The following NDFIP1 variants were observed in gnomAD, a reference collection of about 807,000 sequenced individuals.
NDFIP1 encodes the protein NEDD4 family-interacting protein 1.
A neutral mutation model predicts 28.8 loss-of-function variants in NDFIP1; 7 were observed. The ratio of observed to expected loss-of-function variants is 0.24; its 90% CI spans 0.14 to 0.46. The LOEUF is 0.46. NDFIP1 is among the 20% of genes least tolerant of loss of function. The pLI, the probability that NDFIP1 is intolerant of heterozygous loss-of-function variation, is 0.99. For synonymous variants in NDFIP1, 92 were observed against 101.0 expected, an observed-to-expected ratio of 0.91 and a Z score of 0.53; for missense variants, 194 against 269.1, an observed-to-expected ratio of 0.72 and a Z score of 1.95.
In NDFIP1 at chr5:142,153,626, C is replaced by A; in HGVS notation, c.*1898C>A. ...TTTGAAGATTTTTTTTTTTCCATTT[C>A]GAATCAGATTATAGCAACAATGGAG... On this transcript the variant is annotated 3_prime_UTR_variant, in exon 8 of 8. Coordinates refer to ENST00000253814, the MANE Select transcript of NDFIP1 (RefSeq NM_030571.4). 3 of 300,342 alleles carry A rather than the reference C, an allele frequency of 1.0e-5. No individual in the cohort carries two copies. The highest frequency in any genetic ancestry group is 3.0e-5 in the South Asian group (1 of 32,798). The allele number at this position is 300,342 out of a possible 1,614,324, so 18.6% of individuals were successfully genotyped here. A position where few individuals can be genotyped will look rare whatever the true frequency, so the allele number is the denominator to read the frequency against.
At chr5:142,111,317 A>G (rs1343308837) in intron 1 of NDFIP1, among the ~76,000 whole-genome samples, 2 of 151,898 alleles carry the variant, frequency 1.3e-5, no homozygotes, top group Non-Finnish European at 2.9e-5. Flanking sequence ...AATGTCTTCT[A>G]TATAAAATAT....
intron 1 of NDFIP1, among the ~76,000 whole-genome samples, chr5:142,122,704 C>T (rs1488570035): frequency 1.3e-5 from 2 of 152,110 alleles, no homozygotes; most frequent in Non-Finnish European, 2.9e-5. Context: ...TTTTAATTTT[C>T]ATTTCTATAA....
intron 1 of NDFIP1, among the ~76,000 whole-genome samples, chr5:142,119,862 T>C (rs1561598715): frequency 1.3e-5 from 2 of 152,196 alleles, no homozygotes. Context: ...CCTATAAAAA[T>C]TGAAAGCGCT....
intron 7 of NDFIP1, among the ~76,000 whole-genome samples, chr5:142,150,149 C>T (rs894429769): frequency 6.8e-6 from 1 of 147,816 alleles, no homozygotes; most frequent in African/African-American, 2.5e-5. Context: ...CCACTGCACT[C>T]CAGCCTGGGT....
chr5:142,118,625 G>C (rs1457098261), intron 1 of NDFIP1, among the ~76,000 whole-genome samples: 1 of 152,096 alleles, frequency 6.6e-6, no homozygotes, highest in Admixed American at 6.5e-5. Flanking sequence ...CTTACTCTTG[G>C]GAAGGAAGTC....
intron 1 of NDFIP1, among the ~76,000 whole-genome samples, chr5:142,117,972 G>A (rs751768099): frequency 3.9e-4 from 60 of 152,060 alleles, no homozygotes; most frequent in Admixed American, 2.8e-3. Context: ...TGGCTCAAGC[G>A]ATCATTCCCC....
chr5:142,145,925 TGTG>T (rs1170689724), intron 7 of NDFIP1, among the ~76,000 whole-genome samples: 1 of 152,282 alleles, frequency 6.6e-6, no homozygotes, highest in Non-Finnish European at 1.5e-5. Context: ...TTTGAAGACT[TGTG>T]GTGGTCTCAG....
chr5:142,145,916 T>C (rs1757383867), intron 7 of NDFIP1, among the ~76,000 whole-genome samples: 1 of 152,184 alleles, frequency 6.6e-6, no homozygotes. Flanking sequence ...GTTCTCAATT[T>C]TGAAGACTTG....
At chr5:142,139,596 A>G (rs1757308030) in intron 5 of NDFIP1, among the ~76,000 whole-genome samples, 1 of 152,242 alleles carries the variant, frequency 6.6e-6, no homozygotes, top group Non-Finnish European at 1.5e-5. Context: ...AAGCAAGGAA[A>G]GCTTCTCAGA....
rs1006910888 is a variant in NDFIP1 at position 142,131,810 on chromosome 5, G to A, written c.66G>A (p.Leu22=). The A allele has an allele frequency of 2.2e-5, 35 of 1,568,038 alleles. No individual in the cohort carries two copies. The highest frequency in any genetic ancestry group is 3.0e-5 in the Non-Finnish European group (35 of 1,164,278). ...EPACGSRYQQ[L]QNEEESGEPE... ...TAAAATATGAAATTTTTATTTAGTT[G>A]CAGAATGAAGAAGAGTCTGGAGAAC... The change falls in exon 2 of 8, where the codon TTG becomes TTA. Residue 22 remains leucine (L), a splice_region_variant and synonymous_variant. Transcript: ENST00000253814.
intron 2 of NDFIP1, 119 bp from the exon 3 acceptor site, chr5:142,132,093 C>A: frequency 8.1e-7 from 1 of 1,231,326 alleles, no homozygotes; most frequent in South Asian, 1.6e-5. Flanking sequence ...TCTTTTGGTT[C>A]AATTGTTATG....
In NDFIP1 at chr5:142,108,968, C is replaced by G; in HGVS notation, c.-7C>G. 6.9e-7 allele frequency: 1 copy of G among 1,442,720 alleles called. No individual in the cohort carries two copies. Among genetic ancestry groups the G allele is most frequent in the Non-Finnish European group, 9.1e-7 (1 of 1,101,346 alleles). The allele number at this position is 1,442,720 out of a possible 1,614,324, so 89.4% of individuals were successfully genotyped here. A position where few individuals can be genotyped will look rare whatever the true frequency, so the allele number is the denominator to read the frequency against. On this transcript the variant is annotated 5_prime_UTR_variant, in exon 1 of 8. Coordinates refer to ENST00000253814, the MANE Select transcript of NDFIP1 (RefSeq NM_030571.4). ...GCTCGCTCTGCTTCCCTGCTGCCGG[C>G]TGCGCCATGGCGTTGGCGTTGGCGG...
intron 7 of NDFIP1, among the ~76,000 whole-genome samples, chr5:142,145,024 A>T (rs1445697934): frequency 2.6e-5 from 4 of 152,204 alleles, no homozygotes; most frequent in African/African-American, 7.2e-5. Context: ...CCAGAGGATG[A>T]CATTCAGAAG....
rs116466575 is a variant in NDFIP1, at chr5:142,127,494, C to T, written c.64-4314C>T. Among the ~76,000 whole-genome samples the T allele has an allele frequency of 6.6e-3, 1,012 of 152,238 alleles. 3 individuals are homozygous for T. Among genetic ancestry groups the T allele is most frequent in the African/African-American group, 0.023 (938 of 41,538 alleles). ...AAGGTAATCAGGAAAAGAGTAATGG[C>T]ACACTCTGGGTGTGAGAAAGTGAAA... On this transcript the variant is annotated intron_variant, in intron 1 of 7. Transcript: ENST00000253814.
At chr5:142,144,879 A>G (rs922035272) in intron 7 of NDFIP1, among the ~76,000 whole-genome samples, 4 of 152,266 alleles carry the variant, frequency 2.6e-5, no homozygotes, top group African/African-American at 9.6e-5. Flanking sequence ...AAAAACTGCC[A>G]TAGGAGAAAT....
At chr5:142,145,390 AAG>A (rs1477723273) in intron 7 of NDFIP1, among the ~76,000 whole-genome samples, 1 of 152,154 alleles carries the variant, frequency 6.6e-6, no homozygotes, top group African/African-American at 2.4e-5. Context: ...AATCTTGAGA[AAG>A]AGTACACCAG....
At chr5:142,147,724 A>G (rs1757405403) in intron 7 of NDFIP1, among the ~76,000 whole-genome samples, 1 of 152,244 alleles carries the variant, frequency 6.6e-6, no homozygotes, top group Admixed American at 6.5e-5. Flanking sequence ...TGTCATGTAC[A>G]GTGATTCTTC....
intron 7 of NDFIP1, among the ~76,000 whole-genome samples, chr5:142,150,121 C>A (rs1344135205): frequency 4.0e-5 from 6 of 148,622 alleles, no homozygotes; most frequent in African/African-American, 1.5e-4. Context: ...GCGGAGCTTG[C>A]AGTGAGCCGA....
chr5:142,136,413 G>A (rs1757275253), intron 4 of NDFIP1, among the ~76,000 whole-genome samples: 1 of 152,092 alleles, frequency 6.6e-6, no homozygotes, highest in Non-Finnish European at 1.5e-5. Context: ...AATGTTGAAG[G>A]CATTTATTTT....
Sources: gnomAD v4.1 joint callset for allele counts (sites outside exome capture counted in the v4.1 genomes callset) on GRCh38, gnomAD v4.1.1 for gene constraint, MANE v1.5 for transcripts, NCBI Gene and HGNC (gene_info 2026-07-23, HGNC 2026-07-21) for gene names.